Variants in CDH13 observed in about 807,000 individuals in gnomAD.
CDH13 encodes cadherin-13.
CDH13 carries 24 observed loss-of-function variants against 63.8 expected under a neutral mutation model. The observed-to-expected ratio is 0.38, with a 90% CI of 0.27 to 0.53. CDH13 has a LOEUF of 0.53. CDH13 is among the 20% of genes least tolerant of loss of function. CDH13 has a pLI of 0.85. For missense variants in CDH13, 1,049 were observed against 903.1 expected (o/e 1.16, Z -2.07); for synonymous variants, 503 against 355.3 (o/e 1.42, Z -4.67).
intron 1 of CDH13, among the ~76,000 whole-genome samples, chr16:82,629,797 A>T (rs1907790349): frequency 1.3e-5 from 2 of 152,352 alleles, no homozygotes; most frequent in African/African-American, 4.8e-5. Flanking sequence ...GTTTTGGGAA[A>T]GTCTGTCCCA....
chr16:83,274,330 A>G (rs192899956), intron 5 of CDH13, among the ~76,000 whole-genome samples: 1 of 152,302 alleles, frequency 6.6e-6, no homozygotes, highest in Admixed American at 6.5e-5. Context: ...CCTCTCAGTT[A>G]GCTCAGGCCC....
Position 83,301,025 on chromosome 16 carries a change from GTTTTTTTT to G in CDH13, c.637-43820_637-43813del, listed in dbSNP as rs3052591. Among the ~76,000 whole-genome samples the G allele has an allele frequency of 2.0e-3, 157 of 78,798 alleles. 4 individuals carry two copies. The highest frequency in any genetic ancestry group is 1.1e-3 in the Non-Finnish European group (51 of 46,370). The allele number at this position is 78,798 out of a possible 152,430, so 51.7% of individuals were successfully genotyped here. A position where few individuals can be genotyped will look rare whatever the true frequency, so the allele number is the denominator to read the frequency against. On this transcript the variant is annotated intron_variant, in intron 5 of 13. Coordinates refer to ENST00000567109, the MANE Select transcript of CDH13 (RefSeq NM_001257.5). ...GAACTGATACATATAACTTTCTGGG[GTTTTTTTT>G]TTTTTTTTTTTTTTTTGAGACAGAG... is the stretch of plus-strand genomic sequence containing the variant.
At chr16:83,260,459 GC>G (rs147388379) in intron 5 of CDH13, among the ~76,000 whole-genome samples, 10,352 of 152,136 alleles carry the variant, frequency 0.068, 488 homozygotes, top group East Asian at 0.23. Context: ...GCGTGGCGCA[GC>G]CATCCTACCA....
At chr16:82,721,566 C>A (rs118179334) in intron 1 of CDH13, among the ~76,000 whole-genome samples, 1 of 152,054 alleles carries the variant, frequency 6.6e-6, no homozygotes, top group Non-Finnish European at 1.5e-5. Context: ...GTAGAAGTAA[C>A]AGCAAAGTCA....
At chr16:82,706,130 T>A (rs930517587) in intron 1 of CDH13, among the ~76,000 whole-genome samples, 1 of 151,902 alleles carries the variant, frequency 6.6e-6, no homozygotes, top group South Asian at 2.1e-4. Context: ...CTCCTCCCCA[T>A]CTTCTTTCCC....
At chr16:82,991,623 G>T (rs1365299365) in intron 2 of CDH13, among the ~76,000 whole-genome samples, 5 of 152,132 alleles carry the variant, frequency 3.3e-5, no homozygotes, top group Admixed American at 2.0e-4. Context: ...ATGTGGGTGG[G>T]TCAAATAAGT....
intron 2 of CDH13, among the ~76,000 whole-genome samples, chr16:82,894,973 A>G (rs958209248): frequency 1.3e-5 from 2 of 152,112 alleles, no homozygotes; most frequent in African/African-American, 4.8e-5. Context: ...AAGGGGGATG[A>G]TCTTGTGGGG....
chr16:82,729,910 CTTATG>C (rs1335872556), intron 1 of CDH13, among the ~76,000 whole-genome samples: 1 of 152,212 alleles, frequency 6.6e-6, no homozygotes, highest in Non-Finnish European at 1.5e-5. Context: ...ATCTTACACT[CTTATG>C]TTATGAAGAA....
intron 3 of CDH13, among the ~76,000 whole-genome samples, chr16:83,041,522 C>A (rs1484698314): frequency 6.6e-6 from 1 of 152,122 alleles, no homozygotes; most frequent in Non-Finnish European, 1.5e-5. Flanking sequence ...AACGACCCTG[C>A]TAATACGTCT....
chr16:83,693,951 CTG>C (rs567065795), intron 10 of CDH13, among the ~76,000 whole-genome samples: 174 of 152,298 alleles, frequency 1.1e-3, no homozygotes, highest in African/African-American at 4.1e-3. Context: ...TCAGAGGAGA[CTG>C]TTCCTGTGAG....
intron 10 of CDH13, among the ~76,000 whole-genome samples, chr16:83,687,752 T>C (rs2150886138): frequency 6.6e-6 from 1 of 152,344 alleles, no homozygotes. Context: ...TAGAAGGATG[T>C]GCAGGTCTCT....
chr16:82,980,847 A>G (rs551962083), intron 2 of CDH13, among the ~76,000 whole-genome samples: 1 of 152,324 alleles, frequency 6.6e-6, no homozygotes, highest in East Asian at 1.9e-4. Context: ...CATGAGAGCC[A>G]AAAGGAAACA....
At chr16:83,251,799 C>T (rs908224942) in intron 5 of CDH13, among the ~76,000 whole-genome samples, 6 of 152,148 alleles carry the variant, frequency 3.9e-5, no homozygotes, top group African/African-American at 1.4e-4. Flanking sequence ...AACCCAAAAT[C>T]AGGGTACCCT....
At chr16:83,362,456 G>A (rs1275255610) in intron 6 of CDH13, among the ~76,000 whole-genome samples, 1 of 152,192 alleles carries the variant, frequency 6.6e-6, no homozygotes, top group Non-Finnish European at 1.5e-5. Flanking sequence ...GCAATTAGGT[G>A]CCACAACAAA....
chr16:83,445,968 A>G, intron 6 of CDH13, among the ~76,000 whole-genome samples: 1 of 152,034 alleles, frequency 6.6e-6, no homozygotes, highest in Middle Eastern at 3.2e-3. Flanking sequence ...CATTATCCCC[A>G]TCCCTCCCCC....
intron 3 of CDH13, among the ~76,000 whole-genome samples, chr16:83,091,956 T>G (rs187910743): frequency 6.6e-6 from 1 of 152,354 alleles, no homozygotes; most frequent in Admixed American, 6.5e-5. Context: ...CACAAATAAT[T>G]CTAGTAAGTT....
chr16:82,951,650 C>T (rs1171454616), intron 2 of CDH13, among the ~76,000 whole-genome samples: 1 of 152,238 alleles, frequency 6.6e-6, no homozygotes. Flanking sequence ...GTGCTCCCCA[C>T]AACTCTCCCA....
At chr16:83,779,386 G>A (rs901156595) in intron 11 of CDH13, among the ~76,000 whole-genome samples, 17 of 115,500 alleles carry the variant, frequency 1.5e-4, no homozygotes, top group Admixed American at 3.8e-4. Context: ...CAGCCCGGGC[G>A]ACAGCGCGAG....
chr16:82,940,293 C>A (rs988763647), intron 2 of CDH13, among the ~76,000 whole-genome samples: 6 of 152,234 alleles, frequency 3.9e-5, no homozygotes, highest in African/African-American at 1.2e-4. Flanking sequence ...TATTCCCTTG[C>A]AGAATCTCAG....
Sources: gnomAD v4.1 joint callset for allele counts (sites outside exome capture counted in the v4.1 genomes callset) on GRCh38, gnomAD v4.1.1 for gene constraint, MANE v1.5 for transcripts, NCBI Gene and HGNC (gene_info 2026-07-23, HGNC 2026-07-21) for gene names.